ATM: variants seen among roughly 807,000 people sequenced by gnomAD.
ATM encodes the protein serine-protein kinase ATM.
Under a neutral mutation model 387.0 loss-of-function variants are expected in ATM, and 308 were observed. The observed-to-expected ratio is 0.80, with a 90% CI of 0.73 to 0.87. ATM has a LOEUF of 0.87. ATM is among the 40% of genes least tolerant of loss of function. The pLI, the probability that ATM is intolerant of heterozygous loss-of-function variation, is 0.00. For synonymous variants in ATM, 1,156 were observed against 1,187.3 expected, an observed-to-expected ratio of 0.97 and a Z score of 0.54; for missense variants, 3,312 against 3,560.9, an observed-to-expected ratio of 0.93 and a Z score of 1.78.
intron 15 of ATM, among the ~76,000 whole-genome samples, 162 bp from the exon 16 acceptor site, chr11:108,258,821 GTTA>G (rs2080677226): frequency 6.6e-6 from 1 of 152,158 alleles, no homozygotes; most frequent in African/African-American, 2.4e-5. Context: ...GTACAGTATA[GTTA>G]TTATAACTCT....
At chr11:108,275,722 G>A (rs531450358) in intron 22 of ATM, among the ~76,000 whole-genome samples, 67 of 152,260 alleles carry the variant, frequency 4.4e-4, no homozygotes, top group African/African-American at 1.3e-3. Flanking sequence ...GGTTTCTGCC[G>A]AGAGATCTGC....
intron 4 of ATM, among the ~76,000 whole-genome samples, chr11:108,235,147 A>C (rs945964467): frequency 6.6e-6 from 1 of 152,024 alleles, no homozygotes; most frequent in African/African-American, 2.4e-5. Flanking sequence ...AAGTAGAAAA[A>C]TTAGCAGGGT....
At chr11:108,284,712 A>T (rs2082401931) in intron 26 of ATM, among the ~76,000 whole-genome samples, 1 of 152,164 alleles carries the variant, frequency 6.6e-6, no homozygotes, top group Admixed American at 6.5e-5. Flanking sequence ...AAACCATTTG[A>T]ATAATTTTCT....
At chr11:108,280,878 G>A in intron 23 of ATM, 117 bp from the exon 24 acceptor site, 2 of 856,342 alleles carry the variant, frequency 2.3e-6, no homozygotes. Context: ...TTAGTGAGTA[G>A]GAGGTTTCTG....
chr11:108,326,354 A>G, intron 47 of ATM, 129 bp downstream of exon 47: 1 of 1,251,872 alleles, frequency 8.0e-7, no homozygotes, highest in East Asian at 2.6e-5. Flanking sequence ...AAGATATTGT[A>G]AAACTAGTCT....
Position 108,265,265 on chromosome 11 carries a change from G to A in ATM, c.2467-1906G>A, listed in dbSNP as rs865784353. Among the ~76,000 whole-genome samples the A allele has an allele frequency of 7.4e-3, 1,129 of 152,026 alleles. 8 individuals are homozygous for A. Among genetic ancestry groups the A allele is most frequent in the African/African-American group, 0.024 (1,000 of 41,486 alleles). ...AGGCTGCAGTAACCAAAACAGCATG[G>A]TACTGGTACCAAAACAGAGATATAG... On this transcript the variant is annotated intron_variant, in intron 16 of 62. Coordinates refer to ENST00000675843, the MANE Select transcript of ATM (RefSeq NM_000051.4).
chr11:108,274,233 T>C (rs2081793173), intron 22 of ATM, among the ~76,000 whole-genome samples: 1 of 152,238 alleles, frequency 6.6e-6, no homozygotes, highest in African/African-American at 2.4e-5. Flanking sequence ...TTATCATTTT[T>C]TATTGAGTCT....
At chr11:108,334,024 A>G (rs1032067628) in intron 54 of ATM, 56 bp downstream of exon 54, 2 of 1,347,168 alleles carry the variant, frequency 1.5e-6, no homozygotes, top group Non-Finnish European at 2.1e-6. Flanking sequence ...TATTAGATTG[A>G]ACCATTTGAA....
intron 25 of ATM, among the ~76,000 whole-genome samples, chr11:108,283,442 G>C (rs1197114073): frequency 3.3e-5 from 5 of 152,186 alleles, no homozygotes; most frequent in African/African-American, 1.2e-4. Context: ...TGATGGGAAG[G>C]CATCTCATAT....
At chr11:108,355,059 G>A in intron 61 of ATM, 185 bp downstream of exon 61, 1 of 603,646 alleles carries the variant, frequency 1.7e-6, no homozygotes, top group South Asian at 2.0e-5. Flanking sequence ...GTTTAGAAAT[G>A]CCTTCAGCCC....
intron 45 of ATM, among the ~76,000 whole-genome samples, chr11:108,324,805 A>C (rs1225429501): frequency 6.6e-6 from 1 of 152,164 alleles, no homozygotes; most frequent in African/African-American, 2.4e-5. Flanking sequence ...TCCTTTAATA[A>C]TGTTGGTAAA....
At chr11:108,311,466 T>A (rs1197270762) in intron 39 of ATM, among the ~76,000 whole-genome samples, 3 of 151,916 alleles carry the variant, frequency 2.0e-5, no homozygotes, top group Non-Finnish European at 4.4e-5. Context: ...GAGGCCAAAG[T>A]GAGAGGATTA....
At chr11:108,253,024 CA>C (rs2080238650) in intron 12 of ATM, 112 bp downstream of exon 12, 9 of 962,782 alleles carry the variant, frequency 9.3e-6, no homozygotes, top group Non-Finnish European at 1.3e-5. Flanking sequence ...TAAATTGGTC[CA>C]AAAAAATTGC....
intron 5 of ATM, 59 bp from the exon 6 acceptor site, chr11:108,243,894 C>T (rs1039489158): frequency 1.1e-5 from 16 of 1,397,590 alleles, no homozygotes; most frequent in African/African-American, 8.8e-5. Context: ...TAAATTGTAA[C>T]ATTTAATACA....
chr11:108,332,894 C>T lies in ATM; in HGVS notation c.7921C>T (p.Gln2641Ter), dbSNP rs769523686. 3 of 1,612,120 alleles carry T rather than the reference C, an allele frequency of 1.9e-6. No homozygotes were observed. Among genetic ancestry groups the T allele is most frequent in the Non-Finnish European group, 1.7e-6 (2 of 1,179,556 alleles). Residue 2641 changes from glutamine to a stop codon, truncating the protein, a stop_gained, in exon 53 of 63, where the codon CAG (glutamine) becomes TAG (stop). Transcript: ENST00000675843. LOFTEE classifies it high-confidence loss of function. ...CTTAGATGCCACTCAGTGGAAGACT[C>T]AGAGAAGTATGTTTTTTTTAAAGAA... ...ANLDATQWKT[Q>*]RKGINIPADQ...
chr11:108,228,723 T>C (rs905315481), intron 3 of ATM, among the ~76,000 whole-genome samples: 2 of 152,224 alleles, frequency 1.3e-5, no homozygotes, highest in East Asian at 1.9e-4. Flanking sequence ...ATGAATACTA[T>C]TTTGTATAAG....
rs4988084 is a variant in ATM, at chr11:108,316,229, T to C, written c.6198+116T>C. ...ACTCTAGAGATAAGACTAGAACTTA[T>C]CTGTTTTTCAGAGGATTAGGCTAAA... On this transcript the variant is annotated intron_variant, in intron 42 of 62. Transcript: ENST00000675843. 0.019 allele frequency: 19,260 copies of C among 1,037,554 alleles called. 2,085 individuals carry two copies. In the African/African-American group the frequency reaches 0.25, roughly 13 times the overall value. 64.3% of individuals were successfully genotyped at this position (1,037,554 alleles called of 1,614,324 possible).
At chr11:108,332,628 G>C in intron 52 of ATM, 134 bp from the exon 53 acceptor site, 2 of 966,316 alleles carry the variant, frequency 2.1e-6, no homozygotes, top group Non-Finnish European at 3.1e-6. Flanking sequence ...TGTTTTGTTT[G>C]TATCTGAGGA....
At position 108,366,091 on chromosome 11, in the gene ATM, T is replaced by G. The variant is rs1055588594; in HGVS notation, c.*583T>G. The G allele has an allele frequency of 5.2e-6, 1 of 190,696 alleles. No individual in the cohort carries two copies. Among genetic ancestry groups the G allele is most frequent in the African/African-American group, 2.3e-5 (1 of 42,960 alleles). 11.8% of individuals were successfully genotyped at this position (190,696 alleles called of 1,614,324 possible). The stretch of plus-strand genomic sequence containing the variant: ...TTTTCCTAGTAAGATCACTCAGTGT[T>G]ACTAAATAATGAAGTTGTTATGGAG... On this transcript the variant is annotated 3_prime_UTR_variant, in exon 63 of 63. Transcript: ENST00000675843.
Sources: gnomAD v4.1 joint callset for allele counts (sites outside exome capture counted in the v4.1 genomes callset) on GRCh38, gnomAD v4.1.1 for gene constraint, MANE v1.5 for transcripts, NCBI Gene and HGNC (gene_info 2026-07-23, HGNC 2026-07-21) for gene names.